PTPN1: variants seen among roughly 807,000 people sequenced by gnomAD.
The protein encoded by PTPN1 is tyrosine-protein phosphatase non-receptor type 1.
A neutral mutation model predicts 59.9 loss-of-function variants in PTPN1; 12 were observed. The ratio of observed to expected loss-of-function variants is 0.20; its 90% confidence interval spans 0.13 to 0.32. PTPN1 has a LOEUF of 0.32. Ranked by LOEUF, PTPN1 falls within the 10% of genes least tolerant of loss-of-function variation. The pLI, the probability that PTPN1 is intolerant of heterozygous loss-of-function variation, is 1.00. For synonymous variants in PTPN1, 178 were observed against 203.6 expected (o/e 0.87, Z 1.07); for missense variants, 356 against 549.2 (o/e 0.65, Z 3.52).
intron 1 of PTPN1, among the ~76,000 whole-genome samples, chr20:50,543,054 A>G (rs1351867158): frequency 2.0e-5 from 3 of 152,208 alleles, no homozygotes; most frequent in African/African-American, 7.2e-5. Flanking sequence ...ATAAAATACA[A>G]CTTGCTTCCC....
At chr20:50,553,540 A>G (rs1027914476) in intron 1 of PTPN1, among the ~76,000 whole-genome samples, 1 of 152,248 alleles carries the variant, frequency 6.6e-6, no homozygotes, top group African/African-American at 2.4e-5. Context: ...TCAAGCTTGC[A>G]TCGGCCAGAA....
At chr20:50,566,603 C>G (rs1364645596) in intron 3 of PTPN1, among the ~76,000 whole-genome samples, 2 of 152,102 alleles carry the variant, frequency 1.3e-5, no homozygotes, top group Non-Finnish European at 2.9e-5. Context: ...CCAAGAACAC[C>G]CTTCCCATTT....
intron 1 of PTPN1, among the ~76,000 whole-genome samples, chr20:50,550,456 CTA>C (rs2082697451): frequency 6.6e-6 from 1 of 152,174 alleles, no homozygotes; most frequent in Admixed American, 6.5e-5. Context: ...GTTTTAGTAA[CTA>C]TTTTGACACT....
chr20:50,549,185 GT>G (rs1458847247), intron 1 of PTPN1, among the ~76,000 whole-genome samples: 1 of 152,110 alleles, frequency 6.6e-6, no homozygotes, highest in African/African-American at 2.4e-5. Context: ...CTTTTGTTTT[GT>G]TTTTATTCTC....
At chr20:50,567,844 T>C (rs1389694962) in intron 3 of PTPN1, among the ~76,000 whole-genome samples, 1 of 152,268 alleles carries the variant, frequency 6.6e-6, no homozygotes, top group Non-Finnish European at 1.5e-5. Context: ...GGGACTGTGC[T>C]AAGTACTTTA....
intron 1 of PTPN1, among the ~76,000 whole-genome samples, chr20:50,515,937 A>C (rs1393923724): frequency 6.6e-6 from 1 of 152,204 alleles, no homozygotes; most frequent in Non-Finnish European, 1.5e-5. Context: ...TGGCTTTGGA[A>C]GAAAGGCTGG....
intron 2 of PTPN1, among the ~76,000 whole-genome samples, chr20:50,563,959 A>T (rs2082766202): frequency 6.6e-6 from 1 of 152,208 alleles, no homozygotes; most frequent in African/African-American, 2.4e-5. Flanking sequence ...CTAAAAGGTA[A>T]ATTTAATATA....
Position 50,578,432 on chromosome 20 carries a change from C to T in PTPN1, c.505C>T (p.Arg169Ter). The T allele has an allele frequency of 6.2e-7, 1 of 1,613,702 alleles. No individual in the cohort carries two copies. The highest frequency in any genetic ancestry group is 8.5e-7 in the Non-Finnish European group (1 of 1,179,580). ...TTTTCTCTTTCAGACCCAAGAAACTCGAGAGATCTTACATTTCCACTATAC... is the reference window on the plus strand; with the variant it reads ...TTTTCTCTTTCAGACCCAAGAAACTTGAGAGATCTTACATTTCCACTATAC... ...ELENLTTQET[R>*]EILHFHYTTW... The change falls in exon 6 of 10, where the codon CGA becomes TGA. Residue 169 changes from arginine (R) to a stop codon, truncating the protein, a stop_gained. Transcript: ENST00000371621. LOFTEE classifies it high-confidence loss of function.
intron 1 of PTPN1, among the ~76,000 whole-genome samples, chr20:50,544,501 AATAAAG>A (rs1265912383): frequency 1.3e-5 from 2 of 152,206 alleles, no homozygotes; most frequent in Non-Finnish European, 2.9e-5. Context: ...AGTGATTTCC[AATAAAG>A]ATAAAGAGTT....
At chr20:50,556,147 G>T (rs1333882869) in intron 1 of PTPN1, among the ~76,000 whole-genome samples, 3 of 151,602 alleles carry the variant, frequency 2.0e-5, no homozygotes, top group Admixed American at 2.0e-4. Context: ...AGGTAGGTTT[G>T]TAATCTGTCA....
At chr20:50,523,488 C>T (rs112217462) in intron 1 of PTPN1, among the ~76,000 whole-genome samples, 97 of 152,352 alleles carry the variant, frequency 6.4e-4, no homozygotes, top group African/African-American at 2.3e-3. Context: ...GGACCAATTT[C>T]TCTGAAGCTT....
At chr20:50,569,035 G>A (rs529969869) in intron 4 of PTPN1, among the ~76,000 whole-genome samples, 2 of 152,232 alleles carry the variant, frequency 1.3e-5, no homozygotes, top group African/African-American at 4.8e-5. Flanking sequence ...TCGGGCTAGC[G>A]TGTGGCTGCA....
chr20:50,567,849 A>G (rs865881927), intron 3 of PTPN1, among the ~76,000 whole-genome samples: 2 of 152,356 alleles, frequency 1.3e-5, no homozygotes, highest in South Asian at 2.1e-4. Context: ...TGTGCTAAGT[A>G]CTTTATAGAA....
Position 50,561,235 on chromosome 20 carries a change from C to T in PTPN1, c.64-128C>T, listed in dbSNP as rs1381474588. ...ATTCCTCCTCGGTTTTCCCCCATGGCCTGGTACATACCTCTGAATTATCAC... is the reference window on the plus strand; with the variant it reads ...ATTCCTCCTCGGTTTTCCCCCATGGTCTGGTACATACCTCTGAATTATCAC... On this transcript the variant is annotated intron_variant, in intron 1 of 9. Transcript: ENST00000371621. 7 of 696,850 alleles carry T rather than the reference C, an allele frequency of 1.0e-5. No homozygotes were observed. The Admixed American group carries it at 1.8e-4, about 18-fold the overall frequency. The allele number at this position is 696,850 out of a possible 1,614,324, so 43.2% of individuals were successfully genotyped here. A position where few individuals can be genotyped will look rare whatever the true frequency, so the allele number is the denominator to read the frequency against.
chr20:50,582,837 G>A lies in PTPN1; in HGVS notation c.*122G>A. The A allele has an allele frequency of 8.1e-7, 1 of 1,238,556 alleles. No homozygotes were observed. Among genetic ancestry groups the A allele is most frequent in the South Asian group, 1.3e-5 (1 of 77,110 alleles). 76.7% of individuals were successfully genotyped at this position (1,238,556 alleles called of 1,614,324 possible). Reference sequence around the variant, plus strand: ...GGACCGCGTAGAGAGCCGGGCCCCGGACGGACGTTGGTTCTGCACTAAAAC... The same window carrying A: ...GGACCGCGTAGAGAGCCGGGCCCCGAACGGACGTTGGTTCTGCACTAAAAC... On this transcript the variant is annotated 3_prime_UTR_variant, in exon 10 of 10. Coordinates refer to ENST00000371621, the MANE Select transcript of PTPN1 (RefSeq NM_002827.4). This position sits in a 1 kb window ranked among gnomAD's most constrained non-coding sequence, Gnocchi z 4.2.
At chr20:50,545,744 G>A (rs895768000) in intron 1 of PTPN1, among the ~76,000 whole-genome samples, 7 of 152,028 alleles carry the variant, frequency 4.6e-5, no homozygotes, top group South Asian at 4.2e-4. Context: ...GGCTGAGCTC[G>A]GTGGCTCACA....
chr20:50,575,167 T>C (rs1212732473), intron 5 of PTPN1, among the ~76,000 whole-genome samples: 1 of 152,192 alleles, frequency 6.6e-6, no homozygotes, highest in African/African-American at 2.4e-5. Flanking sequence ...TGGCAAGGCA[T>C]TGTGGCAAGC....
chr20:50,554,756 G>A (rs1601404268), intron 1 of PTPN1, among the ~76,000 whole-genome samples: 1 of 152,188 alleles, frequency 6.6e-6, no homozygotes, highest in Middle Eastern at 3.4e-3. Context: ...TCGTGAATTC[G>A]ATGCATATTG....
chr20:50,517,918 T>C (rs2082535988), intron 1 of PTPN1, among the ~76,000 whole-genome samples: 1 of 152,178 alleles, frequency 6.6e-6, no homozygotes, highest in African/African-American at 2.4e-5. Context: ...ATATTTTACT[T>C]TTACAGATGA....
Sources: gnomAD v4.1 joint callset for allele counts (sites outside exome capture counted in the v4.1 genomes callset) on GRCh38, gnomAD v4.1.1 for gene constraint, Gnocchi (gnomAD v3.1) non-coding constraint, MANE v1.5 for transcripts, NCBI Gene and HGNC (gene_info 2026-07-23, HGNC 2026-07-21) for gene names.